SMIM22: variants seen among roughly 807,000 people sequenced by gnomAD.
The protein encoded by SMIM22 is small integral membrane protein 22.
Under a neutral mutation model 8.4 loss-of-function variants are expected in SMIM22, and 16 were observed. The observed-to-expected ratio is 1.90, with a 90% CI of 1.29 to 2.89. SMIM22 has a LOEUF of 2.89. Among genes scored for constraint, SMIM22 ranks in the 30% most tolerant of loss-of-function variants. The probability of loss-of-function intolerance (pLI) is 0.00; values close to 1 mark genes in which losing one functional copy is unlikely to be tolerated. For missense variants in SMIM22, 159 were observed against 107.5 expected, an observed-to-expected ratio of 1.48 and a Z score of -2.12; for synonymous variants, 67 against 47.6, an observed-to-expected ratio of 1.41 and a Z score of -1.68.
rs2141901863 is a variant in SMIM22, at chr16:4,796,375, C to A, written c.*144C>A. ...TGGCCACCTGGCCTCTCCAAGCCTT[C>A]AGTCAGCACGACTGTGCCAGGTCAT... is the stretch of plus-strand genomic sequence containing the variant. On this transcript the variant is annotated 3_prime_UTR_variant, in exon 4 of 4. Coordinates refer to ENST00000586005, the MANE Select transcript of SMIM22 (RefSeq NM_001253794.2). 3 of 924,096 alleles carry A rather than the reference C, an allele frequency of 3.2e-6. No homozygotes were observed. The highest frequency in any genetic ancestry group is 4.8e-6 in the Non-Finnish European group (3 of 620,424). 57.2% of individuals were successfully genotyped at this position (924,096 alleles called of 1,614,324 possible).
At chr16:4,794,503 C>T (rs2082601968), upstream of SMIM22, among the ~76,000 whole-genome samples, 1 of 151,940 alleles carries the variant, frequency 6.6e-6, no homozygotes, top group South Asian at 2.1e-4. Context: ...TCACCACAAC[C>T]TCTGCCTCCC....
At chr16:4,789,823 T>G (rs2082522601) in intron 2 of SMIM22, 1 of 152,238 alleles carries the variant, frequency 6.6e-6, no homozygotes. Flanking sequence ...TCCTGGTACT[T>G]GACTTCACAA....
At chr16:4,791,758 G>A (rs373182653), upstream of SMIM22, among the ~76,000 whole-genome samples, 1 of 152,106 alleles carries the variant, frequency 6.6e-6, no homozygotes, top group Admixed American at 6.6e-5. Flanking sequence ...CGAGATCTTG[G>A]CTCCCTGCAA....
rs1209881698 is a variant in SMIM22, at chr16:4,796,460, A to G, written c.*229A>G. On this transcript the variant is annotated 3_prime_UTR_variant, in exon 4 of 4. Transcript: ENST00000586005. ...AGGCCGGGCGCGGTGGCTCACACCTATAATCCCAGCACTTTGGGAGGCCGA... is the reference window on the plus strand; with the variant it reads ...AGGCCGGGCGCGGTGGCTCACACCTGTAATCCCAGCACTTTGGGAGGCCGA... The G allele has an allele frequency of 2.3e-5, 13 of 569,714 alleles. No homozygotes were observed. The highest frequency in any genetic ancestry group is 2.8e-5 in the Non-Finnish European group (9 of 320,710). The allele number at this position is 569,714 out of a possible 1,614,324, so 35.3% of individuals were successfully genotyped here. A position where few individuals can be genotyped will look rare whatever the true frequency, so the allele number is the denominator to read the frequency against.
exon 1 of SMIM22, chr16:4,788,562 C>T (rs947348522): frequency 6.6e-6 from 1 of 152,228 alleles, no homozygotes; most frequent in Non-Finnish European, 1.5e-5. Context: ...AGCTGACGCC[C>T]TCAACCACTC....
chr16:4,788,436 A>T (rs936033688), upstream of SMIM22: 3 of 152,490 alleles, frequency 2.0e-5, no homozygotes, highest in Admixed American at 2.0e-4. Flanking sequence ...TCTCTGCAGC[A>T]GGAGCAGGAG....
upstream of SMIM22, among the ~76,000 whole-genome samples, chr16:4,791,454 C>A (rs2082549840): frequency 6.6e-6 from 1 of 152,140 alleles, no homozygotes; most frequent in Non-Finnish European, 1.5e-5. Flanking sequence ...ATGATCAGTT[C>A]ATTTCATCCT....
chr16:4,794,059 C>T (rs924756385), upstream of SMIM22, among the ~76,000 whole-genome samples: 13 of 152,102 alleles, frequency 8.5e-5, no homozygotes, highest in African/African-American at 3.1e-4. Context: ...CCTCAGCCTC[C>T]CAAGTAGCTG....
At position 4,795,855 on chromosome 16, in the gene SMIM22, A is replaced by G; in HGVS notation, c.121A>G (p.Met41Val). 1 of 1,535,788 alleles carries G rather than the reference A, an allele frequency of 6.5e-7. No homozygotes were observed. The highest frequency in any genetic ancestry group is 1.2e-5 in the South Asian group (1 of 84,058). ...TGCCTTCATTGTTTTCCTCACCTTCATGGGTAAGTGTGGCTGTGGCCTCTG... is the reference window on the plus strand; with the variant it reads ...TGCCTTCATTGTTTTCCTCACCTTCGTGGGTAAGTGTGGCTGTGGCCTCTG... ...TVAFIVFLTFMGTVLLLLLLV... is the reference protein window; with the variant it reads ...TVAFIVFLTFVGTVLLLLLLV... The change falls in exon 2 of 4, where the codon ATG becomes GTG. Residue 41 changes from methionine (M) to valine (V), a missense_variant. By Grantham distance (21) the Met-to-Val change is conservative. Coordinates refer to ENST00000586005, the MANE Select transcript of SMIM22 (RefSeq NM_001253794.2).
upstream of SMIM22, among the ~76,000 whole-genome samples, chr16:4,792,629 C>T (rs1377198984): frequency 1.3e-5 from 2 of 151,082 alleles, no homozygotes; most frequent in African/African-American, 4.9e-5. Context: ...TGGTGAAACC[C>T]CGTCTCTACT....
At chr16:4,794,577 C>G (rs768495607), upstream of SMIM22, among the ~76,000 whole-genome samples, 4 of 152,096 alleles carry the variant, frequency 2.6e-5, no homozygotes, top group African/African-American at 9.7e-5. Context: ...TGTGCCACCA[C>G]GCCTGGCTAA....
chr16:4,796,086 T>C (rs1157153536), intron 3 of SMIM22, 38 bp downstream of exon 3: 1 of 1,535,330 alleles, frequency 6.5e-7, no homozygotes, highest in South Asian at 1.2e-5. Context: ...CACGGAACTG[T>C]ACTGGGGGTG....
At position 4,796,188 on chromosome 16, in the gene SMIM22, A is replaced by G; in HGVS notation, c.226-2A>G. The G allele has an allele frequency of 6.5e-7, 1 of 1,536,030 alleles. No homozygotes were observed. The highest frequency in any genetic ancestry group is 8.7e-7 in the Non-Finnish European group (1 of 1,146,872). On this transcript the variant is annotated splice_acceptor_variant, in intron 3 of 3. Coordinates refer to ENST00000586005, the MANE Select transcript of SMIM22 (RefSeq NM_001253794.2). LOFTEE classifies it high-confidence loss of function. Reference sequence around the variant, plus strand: ...CTTGGTCCCGCTGTGCTTCTCGTGCAGGAAAGACCCAAGGGAGTGGATAAC... The same window carrying G: ...CTTGGTCCCGCTGTGCTTCTCGTGCGGGAAAGACCCAAGGGAGTGGATAAC...
rs2082629305 is a variant in SMIM22, at chr16:4,795,759, G to C, written c.25G>C (p.Glu9Gln). 6.5e-7 allele frequency: 1 copy of C among 1,535,808 alleles called. No homozygotes were observed. Among genetic ancestry groups the C allele is most frequent in the South Asian group, 1.2e-5 (1 of 84,062 alleles). MAVSTEEL[E>Q]ATVQEVLGRL... is the part of the protein sequence containing the mutation. ...GATGGCTGTGTCCACAGAGGAGCTG[G>C]AGGCCACGGTTCAGGAAGTCCTGGG... The change falls in exon 2 of 4, where the codon GAG (glutamate) becomes CAG (glutamine). Residue 9 changes from glutamate to glutamine, a missense_variant. Transcript: ENST00000586005.
upstream of SMIM22, among the ~76,000 whole-genome samples, chr16:4,793,496 G>A (rs539731989): frequency 6.6e-6 from 1 of 152,290 alleles, no homozygotes; most frequent in East Asian, 1.9e-4. Context: ...GGATTGCTAT[G>A]AGGAATAAAC....
upstream of SMIM22, among the ~76,000 whole-genome samples, chr16:4,792,010 G>A (rs1213930539): frequency 6.6e-6 from 1 of 151,656 alleles, no homozygotes; most frequent in South Asian, 2.1e-4. Context: ...TAACAACTTG[G>A]TGGTTTCCAG....
intron 2 of SMIM22, among the ~76,000 whole-genome samples, chr16:4,790,223 T>C (rs1042220536): frequency 6.6e-6 from 1 of 152,212 alleles, no homozygotes; most frequent in Admixed American, 6.5e-5. Flanking sequence ...AAGGGCCAGA[T>C]GGTCCCTATT....
In SMIM22 at chr16:4,796,339, C is replaced by A; in HGVS notation, c.*108C>A. The A allele has an allele frequency of 7.4e-7, 1 of 1,351,498 alleles. No homozygotes were observed. Among genetic ancestry groups the A allele is most frequent in the Non-Finnish European group, 1.0e-6 (1 of 999,404 alleles). The allele number at this position is 1,351,498 out of a possible 1,614,324, so 83.7% of individuals were successfully genotyped here. A position where few individuals can be genotyped will look rare whatever the true frequency, so the allele number is the denominator to read the frequency against. On this transcript the variant is annotated 3_prime_UTR_variant, in exon 4 of 4. Transcript: ENST00000586005. ...TGGGTGGGTGACGCGGGACTCGCCG[C>A]CCCACTCAGGTGGCCACCTGGCCTC...
At chr16:4,795,915 G>A in intron 2 of SMIM22, 33 bp from the exon 3 acceptor site, 1 of 1,528,216 alleles carries the variant, frequency 6.5e-7, no homozygotes, top group Non-Finnish European at 8.8e-7. Context: ...GCTCCAGGTT[G>A]GGGCCACACC....
Sources: gnomAD v4.1 joint callset for allele counts (sites outside exome capture counted in the v4.1 genomes callset) on GRCh38, gnomAD v4.1.1 for gene constraint, MANE v1.5 for transcripts, NCBI Gene and HGNC (gene_info 2026-07-23, HGNC 2026-07-21) for gene names.